The following TENM2 variants were observed in gnomAD, a reference collection of about 807,000 sequenced individuals.
TENM2 encodes teneurin transmembrane protein 2, also known as teneurin-2.
TENM2 carries 52 observed loss-of-function variants against 245.2 expected under a neutral mutation model. That is an observed-to-expected ratio of 0.21 (90% CI 0.17 to 0.27). The LOEUF (loss-of-function observed/expected upper bound fraction) is 0.27, where lower values mean the gene tolerates loss of function less well. TENM2 is among the 10% of genes least tolerant of loss of function. The pLI is 1.00. For missense variants in TENM2, 3,046 were observed against 3,666.8 expected, an observed-to-expected ratio of 0.83 and a Z score of 4.37; for synonymous variants, 1,363 against 1,438.9, an observed-to-expected ratio of 0.95 and a Z score of 1.19.
the TENM2 span, among the ~76,000 whole-genome samples, chr5:167,067,064 C>T: frequency 1.3e-5 from 2 of 152,088 alleles, no homozygotes; most frequent in Non-Finnish European, 2.9e-5. Context: ...TCATCTAAAA[C>T]AAACATTATT....
chr5:167,320,878 G>T (rs1208014947), intron 1 of TENM2, among the ~76,000 whole-genome samples: 2 of 151,926 alleles, frequency 1.3e-5, no homozygotes, highest in African/African-American at 4.8e-5. Context: ...TTTTATGGTT[G>T]TTCAAATCTT....
intron 3 of TENM2, among the ~76,000 whole-genome samples, chr5:167,932,678 T>A (rs188601095): frequency 5.9e-5 from 9 of 152,252 alleles, no homozygotes; most frequent in African/African-American, 2.2e-4. Context: ...AAGCCAAGAA[T>A]CAGCAATTTT....
chr5:167,766,298 A>G (rs1763015106), intron 2 of TENM2, among the ~76,000 whole-genome samples: 1 of 152,174 alleles, frequency 6.6e-6, no homozygotes, highest in Non-Finnish European at 1.5e-5. Context: ...AGAGCATTAA[A>G]TGGAGCTAAG....
At chr5:167,233,433 G>T in the TENM2 span, among the ~76,000 whole-genome samples, 1 of 152,012 alleles carries the variant, frequency 6.6e-6, no homozygotes, top group Non-Finnish European at 1.5e-5. Flanking sequence ...TTTGGGGAAG[G>T]GCAAAAAGCT....
At chr5:167,149,697 T>C in the TENM2 span, among the ~76,000 whole-genome samples, 13 of 152,302 alleles carry the variant, frequency 8.5e-5, no homozygotes, top group Admixed American at 3.3e-4. Flanking sequence ...TTTCTACTTA[T>C]TTTTGAAGAC....
At position 168,236,484 on chromosome 5, in the gene TENM2, C is replaced by G. The variant is rs1765433012; in HGVS notation, c.5521-7936C>G. 2.0e-5 allele frequency among the ~76,000 whole-genome samples: 3 copies of G among 152,154 alleles called. 1 individual carries two copies. In the South Asian group the frequency reaches 6.2e-4, roughly 32 times the overall value. On this transcript the variant is annotated intron_variant, in intron 25 of 28. Coordinates refer to ENST00000518659, the Ensembl canonical transcript of TENM2. ...ATATTCTCCCTGATTCTTCTCCCAC[C>G]CTCACCTGTCCAAGCCTTACTCATA... is the stretch of plus-strand genomic sequence containing the variant.
chr5:167,158,846 CCCTTCCTTCCTT>C, the TENM2 span, among the ~76,000 whole-genome samples: 1,037 of 86,052 alleles, frequency 0.012, 40 homozygotes, highest in East Asian at 0.14. Context: ...TCCATAGCAG[CCCTTCCTTCCTT>C]CCTTCCTTCC....
At chr5:167,372,059 G>A (rs1760470779) in intron 1 of TENM2, among the ~76,000 whole-genome samples, 1 of 152,038 alleles carries the variant, frequency 6.6e-6, no homozygotes, top group Admixed American at 6.6e-5. Context: ...GAGTGAACCT[G>A]TTGGAAAGTG....
chr5:168,214,970 C>A, intron 20 of TENM2, 70 bp from the exon 23 acceptor site: 1 of 1,344,024 alleles, frequency 7.4e-7, no homozygotes, highest in Non-Finnish European at 1.1e-6. Flanking sequence ...GGATTTTTGT[C>A]ATTCCTTTGA....
chr5:167,697,116 G>A (rs1041960391), intron 2 of TENM2, among the ~76,000 whole-genome samples: 4 of 152,094 alleles, frequency 2.6e-5, no homozygotes, highest in Non-Finnish European at 5.9e-5. Flanking sequence ...TAGCACCACA[G>A]TCATCCCTGT....
chr5:168,065,232 T>A (rs879891970), intron 7 of TENM2, among the ~76,000 whole-genome samples: 5 of 152,218 alleles, frequency 3.3e-5, no homozygotes, highest in Non-Finnish European at 7.3e-5. Flanking sequence ...CAAGGTTTAG[T>A]ATCCTTGTCC....
At chr5:167,384,554 A>T (rs1294201307) in intron 2 of TENM2, among the ~76,000 whole-genome samples, 1 of 152,202 alleles carries the variant, frequency 6.6e-6, no homozygotes, top group Non-Finnish European at 1.5e-5. Context: ...TAGCAATCAG[A>T]TGACCAAGAG....
At chr5:167,939,968 T>C (rs1197099553) in intron 3 of TENM2, among the ~76,000 whole-genome samples, 2 of 152,158 alleles carry the variant, frequency 1.3e-5, no homozygotes, top group Non-Finnish European at 2.9e-5. Context: ...CTATTCCCGC[T>C]TGGGGTGTGT....
At chr5:168,027,697 A>C (rs1344893768) in intron 5 of TENM2, among the ~76,000 whole-genome samples, 1 of 152,228 alleles carries the variant, frequency 6.6e-6, no homozygotes, top group African/African-American at 2.4e-5. Context: ...TACTTTCGGA[A>C]ATATAATGGA....
intron 4 of TENM2, among the ~76,000 whole-genome samples, chr5:167,991,368 C>T (rs1481820984): frequency 6.6e-6 from 1 of 152,158 alleles, no homozygotes; most frequent in Non-Finnish European, 1.5e-5. Flanking sequence ...ATAGGACGAA[C>T]AAGGTACAAA....
intron 2 of TENM2, among the ~76,000 whole-genome samples, chr5:167,386,602 T>G (rs1761445584): frequency 6.6e-6 from 1 of 151,962 alleles, no homozygotes; most frequent in South Asian, 2.1e-4. Flanking sequence ...AGCCAATGAC[T>G]AGGATTTTTC....
chr5:167,919,254 C>A (rs527684459), intron 3 of TENM2, among the ~76,000 whole-genome samples: 5 of 152,254 alleles, frequency 3.3e-5, no homozygotes, highest in Admixed American at 2.0e-4. Context: ...CATTTTGCAC[C>A]GCCATCCGCC....
chr5:167,753,938 TCTG>T (rs760558207), intron 2 of TENM2, among the ~76,000 whole-genome samples: 1 of 152,280 alleles, frequency 6.6e-6, no homozygotes, highest in Non-Finnish European at 1.5e-5. Context: ...CGTCAGTCAT[TCTG>T]CTGTAACCAT....
At chr5:167,015,130 T>G in the TENM2 span, among the ~76,000 whole-genome samples, 1 of 152,220 alleles carries the variant, frequency 6.6e-6, no homozygotes, top group African/African-American at 2.4e-5. Context: ...TTTTTAACTA[T>G]GGAGTGGATG....
Sources: gnomAD v4.1 joint callset for allele counts (sites outside exome capture counted in the v4.1 genomes callset) on GRCh38, gnomAD v4.1.1 for gene constraint, MANE v1.5 for transcripts, NCBI Gene and HGNC (gene_info 2026-07-23, HGNC 2026-07-21) for gene names.